Variants in RGL1 observed in about 807,000 individuals in gnomAD.
The protein encoded by RGL1 is ral guanine nucleotide dissociation stimulator like 1, also known as ral guanine nucleotide dissociation stimulator-like 1.
RGL1 carries 24 observed loss-of-function variants against 95.2 expected under a neutral mutation model. The ratio of observed to expected loss-of-function variants is 0.25; its 90% confidence interval spans 0.18 to 0.35. RGL1 has a LOEUF of 0.35. Ranked by LOEUF, RGL1 falls within the 10% of genes least tolerant of loss-of-function variation. The pLI is 1.00. For synonymous variants in RGL1, 329 were observed against 344.9 expected (o/e 0.95, Z 0.51); for missense variants, 715 against 936.3 (o/e 0.76, Z 3.08).
chr1:183,799,721 G>A (rs563704656), intron 2 of RGL1, among the ~76,000 whole-genome samples: 34 of 152,230 alleles, frequency 2.2e-4, no homozygotes, highest in Admixed American at 1.0e-3. Context: ...TCAGATATAT[G>A]GTTTGTAAGA....
intron 16 of RGL1, among the ~76,000 whole-genome samples, chr1:183,920,441 T>C (rs941661790): frequency 6.6e-6 from 1 of 152,276 alleles, no homozygotes; most frequent in African/African-American, 2.4e-5. Context: ...GATGCACGCT[T>C]GAGCTGTGAA....
intron 3 of RGL1, among the ~76,000 whole-genome samples, chr1:183,854,005 G>T (rs929043410): frequency 9.9e-5 from 15 of 152,188 alleles, no homozygotes; most frequent in African/African-American, 3.6e-4. Context: ...TCTTTAATGT[G>T]TACTATGTAC....
intron 1 of RGL1, among the ~76,000 whole-genome samples, chr1:183,726,937 G>A (rs1476241611): frequency 1.3e-5 from 2 of 151,940 alleles, no homozygotes; most frequent in Non-Finnish European, 1.5e-5. Context: ...GCTGATTTTT[G>A]GATTTGGAAT....
intron 1 of RGL1, among the ~76,000 whole-genome samples, chr1:183,650,676 T>C (rs1650677681): frequency 6.6e-6 from 1 of 150,764 alleles, no homozygotes; most frequent in South Asian, 2.1e-4. Context: ...ATCTATTGCA[T>C]ATATTATATA....
Position 183,897,913 on chromosome 1 carries a change from G to C in RGL1, c.1230+16G>C, listed in dbSNP as rs371658755. On this transcript the variant is annotated intron_variant, in intron 10 of 17. Transcript: ENST00000360851. The stretch of plus-strand genomic sequence containing the variant: ...GAAGGACATGGTATGTCTGGCCCTC[G>C]TCTTCCCTGACAGCTCACAGAGGAG... 1.2e-6 allele frequency: 2 copies of C among 1,607,542 alleles called. No homozygotes were observed. The highest frequency in any genetic ancestry group is 2.2e-5 in the South Asian group (2 of 90,828).
intron 1 of RGL1, among the ~76,000 whole-genome samples, chr1:183,705,342 T>A (rs996748058): frequency 2.0e-5 from 3 of 152,030 alleles, no homozygotes; most frequent in African/African-American, 7.3e-5. Flanking sequence ...ATTTGTGCTT[T>A]CTTAGGGGAG....
intron 8 of RGL1, 35 bp from the exon 9 acceptor site, chr1:183,892,042 T>C (rs546987006): frequency 6.5e-7 from 1 of 1,540,700 alleles, no homozygotes; most frequent in South Asian, 1.1e-5. Flanking sequence ...TTCCTAACTC[T>C]TCATTGTTAA....
At chr1:183,687,943 A>G (rs1035627349) in intron 1 of RGL1, among the ~76,000 whole-genome samples, 4 of 152,178 alleles carry the variant, frequency 2.6e-5, no homozygotes, top group Non-Finnish European at 2.9e-5. Context: ...GTCATTCTAT[A>G]TCTAGTGTAA....
chr1:183,913,324 T>C (rs1328509785), intron 15 of RGL1, among the ~76,000 whole-genome samples: 1 of 150,996 alleles, frequency 6.6e-6, no homozygotes, highest in Admixed American at 6.6e-5. Context: ...GCCTCCCGAG[T>C]AGCTGGGATT....
At position 183,840,918 on chromosome 1, in the gene RGL1, C is replaced by T. The variant is rs191132010; in HGVS notation, c.139-6648C>T. ...AACAAACAAACAAAACAAAACAACC[C>T]AGTGCAGACAGAACCTACTTAAGAA... On this transcript the variant is annotated intron_variant, in intron 2 of 17. Transcript: ENST00000360851. Among the ~76,000 whole-genome samples the T allele has an allele frequency of 3.3e-3, 501 of 152,058 alleles. 2 individuals are homozygous for T. Among genetic ancestry groups the T allele is most frequent in the African/African-American group, 0.012 (478 of 41,474 alleles).
At chr1:183,694,485 A>G (rs1409343384) in intron 1 of RGL1, among the ~76,000 whole-genome samples, 1 of 152,226 alleles carries the variant, frequency 6.6e-6, no homozygotes, top group Non-Finnish European at 1.5e-5. Flanking sequence ...AGATAATATT[A>G]ACTGAAATTC....
At position 183,915,305 on chromosome 1, in the gene RGL1, A is replaced by G. The variant is rs564852910; in HGVS notation, c.1750-1142A>G. Among the ~76,000 whole-genome samples, 4 of 152,346 alleles carry G rather than the reference A, an allele frequency of 2.6e-5. No individual in the cohort carries two copies. In the East Asian group the frequency reaches 7.7e-4, roughly 29 times the overall value. On this transcript the variant is annotated intron_variant, in intron 15 of 17. Transcript: ENST00000360851. ...GAATATTTTATAGGATTAACATGGTATAATTTAGCTTAAGTCATTCCGGGA... is the reference window on the plus strand; with the variant it reads ...GAATATTTTATAGGATTAACATGGTGTAATTTAGCTTAAGTCATTCCGGGA...
In RGL1 at chr1:183,918,437, C is replaced by G. The variant is rs138558715; in HGVS notation, c.2004+1736C>G. On this transcript the variant is annotated intron_variant, in intron 16 of 17. Transcript: ENST00000360851. ...GGTCTGTTCACCTGGCACCTCTTAC[C>G]TGCACCAATCAGAGAGAATGTCCAC... Among the ~76,000 whole-genome samples the G allele has an allele frequency of 2.4e-3, 364 of 152,308 alleles. 1 individual carries two copies. The highest frequency in any genetic ancestry group is 8.4e-3 in the African/African-American group (350 of 41,556).
At chr1:183,868,612 A>G (rs569154411) in intron 4 of RGL1, among the ~76,000 whole-genome samples, 12 of 152,356 alleles carry the variant, frequency 7.9e-5, no homozygotes, top group Admixed American at 2.6e-4. Context: ...AAACTCACTA[A>G]GATAATGATT....
Position 183,760,674 on chromosome 1 carries a change from A to G in RGL1, c.132+18385A>G, listed in dbSNP as rs113747894. ...TGAGAGGCTTGCATGAACCTCAGCAATCCTCACTCAGGAGGCTGTAGTGAG... is the reference window on the plus strand; with the variant it reads ...TGAGAGGCTTGCATGAACCTCAGCAGTCCTCACTCAGGAGGCTGTAGTGAG... On this transcript the variant is annotated intron_variant, in intron 2 of 18. Transcript: ENST00000304685. Among the ~76,000 whole-genome samples the G allele has an allele frequency of 6.7e-3, 1,017 of 151,860 alleles. 14 individuals are homozygous for G. Among genetic ancestry groups the G allele is most frequent in the African/African-American group, 0.024 (988 of 41,414 alleles).
intron 1 of RGL1, chr1:183,742,006 A>C: frequency 2.9e-6 from 2 of 682,462 alleles, no homozygotes; most frequent in Non-Finnish European, 4.8e-6. Flanking sequence ...GTTGATGCCT[A>C]TTATGATACT....
rs555352198 is a variant in RGL1, at chr1:183,641,560, C to T, written c.-33+5059C>T. On this transcript the variant is annotated intron_variant, in intron 1 of 18. Transcript: ENST00000304685. ...GATGAGATTACAGGCATGAGCCCCC[C>T]CCACCATACCTGGCCATAATTTCAG... Among the ~76,000 whole-genome samples, 8 of 152,298 alleles carry T rather than the reference C, an allele frequency of 5.3e-5. No individual in the cohort carries two copies. In the South Asian group the frequency reaches 1.7e-3, roughly 32 times the overall value.
At chr1:183,801,143 TTG>T (rs139990784), upstream of RGL1, among the ~76,000 whole-genome samples, 22,055 of 129,868 alleles carry the variant, frequency 0.17, 1,678 homozygotes, top group African/African-American at 0.2. Flanking sequence ...ACTTGTTATT[TTG>T]TGTGTGTGTG....
chr1:183,662,986 T>C lies in RGL1; in HGVS notation c.-33+26485T>C, dbSNP rs554895323. On this transcript the variant is annotated intron_variant, in intron 1 of 18. Transcript: ENST00000304685. The stretch of plus-strand genomic sequence containing the variant: ...AAAGGATTCCCTATTTAATAAATGG[T>C]GCTGGGAAAACTGGCTAGCCATATG... Among the ~76,000 whole-genome samples the C allele has an allele frequency of 3.3e-5, 5 of 152,166 alleles. No individual in the cohort carries two copies. In the East Asian group the frequency reaches 7.7e-4, roughly 23 times the overall value.
Sources: allele counts gnomAD v4.1 joint callset (sites outside exome capture counted in the v4.1 genomes callset), GRCh38; gene constraint gnomAD v4.1.1; transcripts MANE v1.5; gene names NCBI Gene and HGNC (gene_info 2026-07-23, HGNC 2026-07-21).